Variants in SLC7A8 observed in about 807,000 individuals in gnomAD.
SLC7A8 encodes large neutral amino acids transporter small subunit 2.
SLC7A8 carries 30 observed loss-of-function variants against 51.2 expected under a neutral mutation model. That is an observed-to-expected ratio of 0.59 (90% CI 0.44 to 0.80). The LOEUF is 0.80. Ranked by LOEUF, SLC7A8 falls within the 30% of genes least tolerant of loss-of-function variation. The pLI is 0.00. For synonymous variants in SLC7A8, 257 were observed against 275.8 expected, an observed-to-expected ratio of 0.93 and a Z score of 0.67; for missense variants, 612 against 674.4, an observed-to-expected ratio of 0.91 and a Z score of 1.03.
chr14:23,162,644 A>G (rs1256538988), intron 3 of SLC7A8, among the ~76,000 whole-genome samples: 2 of 152,296 alleles, frequency 1.3e-5, no homozygotes, highest in East Asian at 3.9e-4. Flanking sequence ...ACTGTGCAAC[A>G]TGTCATTCTG....
At chr14:23,161,726 G>A (rs2140332388) in intron 3 of SLC7A8, among the ~76,000 whole-genome samples, 1 of 152,258 alleles carries the variant, frequency 6.6e-6, no homozygotes, top group Admixed American at 6.5e-5. Context: ...TCAGGAGTTT[G>A]AGACCAGTCT....
chr14:23,142,985 C>A, intron 4 of SLC7A8, 94 bp downstream of exon 4: 1 of 1,477,838 alleles, frequency 6.8e-7, no homozygotes, highest in South Asian at 1.2e-5. Flanking sequence ...GGGGAAATCT[C>A]AGGGTGTGGC....
At chr14:23,154,977 C>T (rs1252623261) in intron 3 of SLC7A8, among the ~76,000 whole-genome samples, 6 of 121,536 alleles carry the variant, frequency 4.9e-5, no homozygotes, top group African/African-American at 1.8e-4. Context: ...AAAAAAAACC[C>T]ACAAAAAGCC....
chr14:23,181,460 G>A (rs974028601), intron 1 of SLC7A8, among the ~76,000 whole-genome samples: 2 of 147,132 alleles, frequency 1.4e-5, no homozygotes, highest in African/African-American at 5.1e-5. Context: ...GGTGGGGGGG[G>A]GATGGGATTT....
intron 7 of SLC7A8, 103 bp from the exon 8 acceptor site, chr14:23,131,660 T>C (rs1260171423): frequency 1.3e-5 from 10 of 785,584 alleles, no homozygotes; most frequent in East Asian, 9.2e-5. Context: ...GCATCCCCAC[T>C]CCAACCAGGC....
intron 3 of SLC7A8, among the ~76,000 whole-genome samples, chr14:23,146,333 G>T (rs2048793758): frequency 6.6e-6 from 1 of 152,194 alleles, no homozygotes; most frequent in South Asian, 2.1e-4. Flanking sequence ...GACAGAAAGT[G>T]CTTGAGGAAA....
At chr14:23,182,556 C>T (rs1877228071) in intron 1 of SLC7A8, among the ~76,000 whole-genome samples, 1 of 152,174 alleles carries the variant, frequency 6.6e-6, no homozygotes, top group South Asian at 2.1e-4. Flanking sequence ...GAACACTGGG[C>T]AGAATCTTTG....
chr14:23,128,377 A>C lies in SLC7A8; in HGVS notation c.1264-181T>G. The C allele has an allele frequency of 5.2e-6, 8 of 1,524,284 alleles. No homozygotes were observed. Among genetic ancestry groups the C allele is most frequent in the Non-Finnish European group, 4.4e-6 (5 of 1,138,756 alleles). 94.4% of individuals were successfully genotyped at this position (1,524,284 alleles called of 1,614,324 possible). A position where few individuals can be genotyped will look rare whatever the true frequency, so the allele number is the denominator to read the frequency against. Reference sequence around the variant, plus strand: ...GGTAGGGCAGGGGCTATATAAACAAATGTTGATGAACATGGTCGGTCAGAC... The same window carrying C: ...GGTAGGGCAGGGGCTATATAAACAACTGTTGATGAACATGGTCGGTCAGAC... On this transcript the variant is annotated intron_variant, in intron 9 of 10. Transcript: ENST00000316902. This position sits in a 1 kb window ranked among gnomAD's most constrained non-coding sequence, Gnocchi z 4.3.
In SLC7A8 at chr14:23,137,932, G is replaced by T. The variant is rs1371443307; in HGVS notation, c.1005C>A (p.Phe335Leu). 6.2e-7 allele frequency: 1 copy of T among 1,613,860 alleles called. No homozygotes were observed. Among genetic ancestry groups the T allele is most frequent in the Non-Finnish European group, 8.5e-7 (1 of 1,180,022 alleles). Residue 335 changes from phenylalanine to leucine, a missense_variant, in exon 7 of 11, where the codon TTC becomes TTA. Transcript: ENST00000316902. ...STFGGVNGSL[F>L]TSSRLFFAGA... ...CAGGCAGCACTCACCGAGAGGAGGTGAAGAGAGACCCATTAACTCCTCCAA... is the reference window on the plus strand; with the variant it reads ...CAGGCAGCACTCACCGAGAGGAGGTTAAGAGAGACCCATTAACTCCTCCAA...
At chr14:23,154,974 A>C (rs1161333962) in intron 3 of SLC7A8, among the ~76,000 whole-genome samples, 4 of 115,356 alleles carry the variant, frequency 3.5e-5, no homozygotes, top group Middle Eastern at 4.3e-3. Context: ...AAAAAAAAAA[A>C]CCCACAAAAA....
At chr14:23,145,148 C>T (rs1254351243) in intron 3 of SLC7A8, among the ~76,000 whole-genome samples, 1 of 150,918 alleles carries the variant, frequency 6.6e-6, no homozygotes, top group Non-Finnish European at 1.5e-5. Flanking sequence ...TCTCGATCTC[C>T]TGATCTCATG....
chr14:23,151,496 C>T (rs1406031435), intron 3 of SLC7A8, among the ~76,000 whole-genome samples: 2 of 152,104 alleles, frequency 1.3e-5, no homozygotes, highest in African/African-American at 2.4e-5. Flanking sequence ...GTCACTGACA[C>T]CTGTAATCCC....
chr14:23,160,494 C>T (rs1325875554), intron 3 of SLC7A8, among the ~76,000 whole-genome samples: 2 of 151,472 alleles, frequency 1.3e-5, no homozygotes, highest in Non-Finnish European at 2.9e-5. Flanking sequence ...TGGCGTGAAC[C>T]CGGGAGGCAG....
At chr14:23,155,857 C>A (rs1474899058) in intron 3 of SLC7A8, among the ~76,000 whole-genome samples, 4 of 152,098 alleles carry the variant, frequency 2.6e-5, no homozygotes, top group Non-Finnish European at 5.9e-5. Flanking sequence ...GTTCTTGGAC[C>A]AGAAGGCTTG....
intron 4 of SLC7A8, among the ~76,000 whole-genome samples, chr14:23,141,453 CTTT>C (rs376752078): frequency 6.6e-6 from 1 of 152,104 alleles, no homozygotes; most frequent in Non-Finnish European, 1.5e-5. Context: ...TCTCTCTTTT[CTTT>C]TTTGTTTTTT....
At position 23,131,508 on chromosome 14, in the gene SLC7A8, T is replaced by C. The variant is rs763618686; in HGVS notation, c.1066A>G (p.Met356Val). ...REGHLPSVLA[M>V]IHVKRCTPIP... ...GGGGTGCAGCGCTTCACGTGGATCA[T>C]GGCCAACACACTGGGAAGGTGGCCC... The change falls in exon 8 of 11, where the codon ATG becomes GTG. Residue 356 changes from methionine to valine, a missense_variant. Transcript: ENST00000316902. The C allele has an allele frequency of 3.7e-6, 6 of 1,609,514 alleles. No homozygotes were observed. Among genetic ancestry groups the C allele is most frequent in the East Asian group, 4.5e-5 (2 of 44,368 alleles).
chr14:23,179,074 A>C (rs1402161887), intron 1 of SLC7A8, among the ~76,000 whole-genome samples: 1 of 152,018 alleles, frequency 6.6e-6, no homozygotes, highest in Non-Finnish European at 1.5e-5. Flanking sequence ...ATAACAGTTT[A>C]GTCATTATGC....
chr14:23,127,171 T>C lies in SLC7A8; in HGVS notation c.*6A>G. On this transcript the variant is annotated 3_prime_UTR_variant, in exon 11 of 11. Transcript: ENST00000316902. ...GAAGGAGAGAGTAGCCAGGGAATGG[T>C]GGTCCTCAGGGCTGGGGCTGCCCCG... The C allele has an allele frequency of 6.2e-7, 1 of 1,613,872 alleles. No individual in the cohort carries two copies. Among genetic ancestry groups the C allele is most frequent in the Non-Finnish European group, 8.5e-7 (1 of 1,179,828 alleles).
At chr14:23,139,151 T>C (rs1404244629) in intron 6 of SLC7A8, among the ~76,000 whole-genome samples, 1 of 152,182 alleles carries the variant, frequency 6.6e-6, no homozygotes, top group Admixed American at 6.5e-5. Context: ...AAGGGCCAGA[T>C]AGTAAATGTC....
Sources: allele counts gnomAD v4.1 joint callset (sites outside exome capture counted in the v4.1 genomes callset), GRCh38; gene constraint gnomAD v4.1.1; non-coding constraint Gnocchi (gnomAD v3.1); transcripts MANE v1.5; gene names NCBI Gene and HGNC (gene_info 2026-07-23, HGNC 2026-07-21).